ARMC1: variants seen among roughly 807,000 people sequenced by gnomAD.
ARMC1 encodes armadillo repeat-containing protein 1.
In ARMC1, 16 loss-of-function variants were observed where a neutral mutation model predicts 31.4. The observed-to-expected ratio is 0.51, with a 90% CI of 0.34 to 0.77. The LOEUF is 0.77. Among genes scored for constraint, ARMC1 ranks in the 30% least tolerant of loss-of-function variants. ARMC1 has a pLI of 0.01. For missense variants in ARMC1, 259 were observed against 347.5 expected (o/e 0.75, Z 2.02); for synonymous variants, 114 against 118.9 (o/e 0.96, Z 0.27).
intron 3 of ARMC1, among the ~76,000 whole-genome samples, chr8:65,618,795 G>A (rs974333916): frequency 6.6e-6 from 1 of 152,126 alleles, no homozygotes; most frequent in Admixed American, 6.5e-5. Context: ...TGTAATCCCA[G>A]CACTTTGGGA....
intron 4 of ARMC1, among the ~76,000 whole-genome samples, chr8:65,605,926 G>A (rs1430748701): frequency 6.6e-6 from 1 of 152,092 alleles, no homozygotes; most frequent in Non-Finnish European, 1.5e-5. Context: ...AGCTGTTTTT[G>A]TAACTAAGTT....
intron 1 of ARMC1, among the ~76,000 whole-genome samples, chr8:65,628,054 C>G (rs1350356984): frequency 6.6e-6 from 1 of 152,112 alleles, no homozygotes; most frequent in African/African-American, 2.4e-5. Context: ...TACTGCCTAA[C>G]AGAAAAGCAA....
intron 1 of ARMC1, among the ~76,000 whole-genome samples, chr8:65,633,401 G>A (rs1808694303): frequency 6.6e-6 from 1 of 152,200 alleles, no homozygotes; most frequent in African/African-American, 2.4e-5. Flanking sequence ...GCGGTTATCA[G>A]ATTAAAGTAA....
At chr8:65,620,786 ATTTAGTTCCATTT>A in intron 3 of ARMC1, among the ~76,000 whole-genome samples, 1 of 105,362 alleles carries the variant, frequency 9.5e-6, no homozygotes. Context: ...CTGTAAAAGA[ATTTAGTTCCATTT>A]AAAAAAAAAC....
chr8:65,617,482 C>A (rs192257585), intron 3 of ARMC1, among the ~76,000 whole-genome samples: 1 of 152,050 alleles, frequency 6.6e-6, no homozygotes, highest in Non-Finnish European at 1.5e-5. Flanking sequence ...ACAAACACTG[C>A]GGAAGGCCGC....
Position 65,622,182 on chromosome 8 carries a change from C to G in ARMC1, c.275+81G>C, listed in dbSNP as rs868284859. On this transcript the variant is annotated intron_variant, in intron 3 of 6. Transcript: ENST00000276569. Reference sequence around the variant, plus strand: ...AGGTGGAAGGATCGCTTGAACCCAGCATGGGCAACATAGTGAGGCCCTGTA... The same window carrying G: ...AGGTGGAAGGATCGCTTGAACCCAGGATGGGCAACATAGTGAGGCCCTGTA... The G allele has an allele frequency of 3.4e-5, 38 of 1,111,630 alleles. No individual in the cohort carries two copies. The Middle Eastern group carries it at 8.3e-4, about 24-fold the overall frequency. The allele number at this position is 1,111,630 out of a possible 1,614,324, so 68.9% of individuals were successfully genotyped here.
intron 4 of ARMC1, among the ~76,000 whole-genome samples, chr8:65,610,524 G>A (rs530265603): frequency 1.5e-4 from 23 of 151,968 alleles, no homozygotes; most frequent in African/African-American, 4.6e-4. Context: ...GCGAAACCCC[G>A]TCTCTACTAA....
intron 4 of ARMC1, among the ~76,000 whole-genome samples, chr8:65,608,056 T>A (rs1312337735): frequency 6.6e-6 from 1 of 152,176 alleles, no homozygotes; most frequent in Non-Finnish European, 1.5e-5. Flanking sequence ...TTAAAATATT[T>A]TTAAGAAATT....
In ARMC1 at chr8:65,623,324, A is replaced by AAAAAAC. The variant is rs1554541796; in HGVS notation, c.184-971_184-970insGTTTTT. ...CTCCGTCTCAAAAAAAAAAAAAAAAATGCTGGGCGCTGAGTGGCTCACGGC... is the reference window on the plus strand; with the variant it reads ...CTCCGTCTCAAAAAAAAAAAAAAAAAAAAAACTGCTGGGCGCTGAGTGGCTCACGGC... On this transcript the variant is annotated intron_variant, in intron 2 of 6. Transcript: ENST00000276569. Among the ~76,000 whole-genome samples, 5 of 144,552 alleles carry AAAAAAC rather than the reference A, an allele frequency of 3.5e-5. No individual in the cohort carries two copies. In the South Asian group the frequency reaches 1.1e-3, roughly 31 times the overall value. The allele number at this position is 144,552 out of a possible 152,430, so 94.8% of individuals were successfully genotyped here.
intron 4 of ARMC1, among the ~76,000 whole-genome samples, chr8:65,607,604 G>A (rs1004570389): frequency 5.3e-5 from 8 of 152,062 alleles, no homozygotes; most frequent in African/African-American, 9.7e-5. Flanking sequence ...TTTGGTCATC[G>A]CTGTATCCCT....
At chr8:65,627,542 A>C in intron 1 of ARMC1, 109 bp from the exon 2 acceptor site, 1 of 560,182 alleles carries the variant, frequency 1.8e-6, no homozygotes. Context: ...AACTAAAACT[A>C]AATCACATAA....
At chr8:65,614,285 A>G (rs1808204986) in intron 3 of ARMC1, among the ~76,000 whole-genome samples, 1 of 152,180 alleles carries the variant, frequency 6.6e-6, no homozygotes, top group South Asian at 2.1e-4. Context: ...TTTAAATCCT[A>G]CTACAGATCC....
chr8:65,629,035 T>C (rs986230130), intron 1 of ARMC1, among the ~76,000 whole-genome samples: 2 of 151,606 alleles, frequency 1.3e-5, no homozygotes, highest in African/African-American at 4.9e-5. Flanking sequence ...GTGCCTGTAA[T>C]CTCAGCTACT....
intron 2 of ARMC1, among the ~76,000 whole-genome samples, chr8:65,624,324 C>A (rs1299766325): frequency 2.7e-5 from 4 of 150,628 alleles, no homozygotes; most frequent in Non-Finnish European, 5.9e-5. Context: ...CATGGCGAAA[C>A]CCTGTCTCTA....
rs535765178 is a variant in ARMC1, at chr8:65,603,182, A to T, written c.*1212T>A. The T allele has an allele frequency of 6.6e-6, 1 of 152,322 alleles. No homozygotes were observed. The highest frequency in any genetic ancestry group is 2.4e-5 in the African/African-American group (1 of 41,580). 9.4% of individuals were successfully genotyped at this position (152,322 alleles called of 1,614,324 possible). On this transcript the variant is annotated 3_prime_UTR_variant, in exon 7 of 7. Coordinates refer to ENST00000276569, the MANE Select transcript of ARMC1 (RefSeq NM_018120.6). Reference sequence around the variant, plus strand: ...AAATATTTCAGAAATTTAATAAAGCATTACATATATGTAATTAGCACTTAT... The same window carrying T: ...AAATATTTCAGAAATTTAATAAAGCTTTACATATATGTAATTAGCACTTAT...
chr8:65,622,998 A>C (rs1808425829), intron 2 of ARMC1, among the ~76,000 whole-genome samples: 1 of 146,868 alleles, frequency 6.8e-6, no homozygotes, highest in African/African-American at 2.5e-5. Context: ...GCGAGACTCC[A>C]TCTCAAAAAA....
intron 3 of ARMC1, among the ~76,000 whole-genome samples, chr8:65,619,075 A>C (rs769975177): frequency 2.5e-4 from 38 of 152,150 alleles, no homozygotes; most frequent in Non-Finnish European, 5.1e-4. Flanking sequence ...GAAAAAGGCA[A>C]CTGCTGGTAA....
intron 1 of ARMC1, among the ~76,000 whole-genome samples, chr8:65,629,358 T>G (rs1409152864): frequency 6.6e-6 from 1 of 151,914 alleles, no homozygotes; most frequent in African/African-American, 2.4e-5. Flanking sequence ...TCTAAAACAA[T>G]AGAACTCAGC....
At chr8:65,613,808 A>C (rs1176006889) in intron 3 of ARMC1, among the ~76,000 whole-genome samples, 7 of 152,088 alleles carry the variant, frequency 4.6e-5, no homozygotes, top group Admixed American at 4.6e-4. Flanking sequence ...TAAAATACAA[A>C]AATTAGCTGG....
Sources: allele counts gnomAD v4.1 joint callset (sites outside exome capture counted in the v4.1 genomes callset), GRCh38; gene constraint gnomAD v4.1.1; transcripts MANE v1.5; gene names NCBI Gene and HGNC (gene_info 2026-07-23, HGNC 2026-07-21).